Variants in MPO observed in about 807,000 individuals in gnomAD.
MPO encodes the protein myeloperoxidase.
A neutral mutation model predicts 69.4 loss-of-function variants in MPO; 57 were observed. The observed-to-expected ratio is 0.82, with a 90% CI of 0.66 to 1.02. MPO has a LOEUF of 1.02. Among genes scored for constraint, MPO ranks in the 50% least tolerant of loss-of-function variants. MPO has a pLI of 0.00. For synonymous variants in MPO, 426 were observed against 417.1 expected, an observed-to-expected ratio of 1.02 and a Z score of -0.26; for missense variants, 971 against 1,014.1, an observed-to-expected ratio of 0.96 and a Z score of 0.58.
chr17:58,274,257 T>C (rs1970406336), intron 8 of MPO: 1 of 468,382 alleles, frequency 2.1e-6, no homozygotes, highest in Admixed American at 2.3e-5. Context: ...CTAGAAGTTA[T>C]TTTGGAGTGT....
intron 11 of MPO, 61 bp downstream of exon 11, chr17:58,271,594 C>A: frequency 6.5e-7 from 1 of 1,549,006 alleles, no homozygotes; most frequent in Non-Finnish European, 8.9e-7. Context: ...ATTTGGGCTC[C>A]AAGAGAGTCA....
rs1290455983 is a variant in MPO, at chr17:58,279,120, A to T, written c.773T>A (p.Leu258Gln). The T allele has an allele frequency of 1.9e-6, 3 of 1,613,032 alleles. 1 individual carries two copies. The highest frequency in any genetic ancestry group is 2.5e-6 in the Non-Finnish European group (3 of 1,179,574). The change falls in exon 6 of 12, where the codon CTG becomes CAG. Residue 258 changes from leucine to glutamine, a missense_variant. Transcript: ENST00000225275. ...GGTGAAGTCGAGGTCGTGGTCCAAC[A>T]GCTGGCCCCATTGCATGAACATGAG... ...RSLMFMQWGQ[L>Q]LDHDLDFTPE...
chr17:58,279,519 G>T lies in MPO; in HGVS notation c.548+4C>A. 1 of 1,613,834 alleles carries T rather than the reference G, an allele frequency of 6.2e-7. No homozygotes were observed. The highest frequency in any genetic ancestry group is 8.5e-7 in the Non-Finnish European group (1 of 1,179,978). On this transcript the variant is annotated splice_donor_region_variant and intron_variant, in intron 4 of 11. Transcript: ENST00000225275. ...TTCCTGCAGCCACCCCCAGCCAGCC[G>T]CACCTGTTGTTGCACATCCCGGTGA...
rs1567829801 is a variant in MPO at position 58,279,651 on chromosome 17, CG to C, written c.425-6del. On this transcript the variant is annotated splice_polypyrimidine_tract_variant and splice_region_variant and intron_variant, in intron 3 of 11. Coordinates refer to ENST00000225275, the MANE Select transcript of MPO (RefSeq NM_000250.2). Reference sequence around the variant, plus strand: ...GCTGGGCGGGCGTCAGCACATCTGCCGGGGGAAAGAACAATGGGGGAGCTGA... The same window carrying C: ...GCTGGGCGGGCGTCAGCACATCTGCCGGGGAAAGAACAATGGGGGAGCTGA... 1.1e-5 allele frequency: 17 copies of C among 1,614,054 alleles called. No homozygotes were observed. Among genetic ancestry groups the C allele is most frequent in the Non-Finnish European group, 1.4e-5 (17 of 1,180,044 alleles).
chr17:58,275,808 C>T lies in MPO; in HGVS notation c.1205-106G>A, dbSNP rs1172392165. 6.9e-6 allele frequency: 9 copies of T among 1,306,814 alleles called. No homozygotes were observed. The highest frequency in any genetic ancestry group is 4.4e-5 in the African/African-American group (3 of 68,006). 81.0% of individuals were successfully genotyped at this position (1,306,814 alleles called of 1,614,324 possible). On this transcript the variant is annotated intron_variant, in intron 7 of 11. Coordinates refer to ENST00000225275, the MANE Select transcript of MPO (RefSeq NM_000250.2). This position sits in a 1 kb window ranked among gnomAD's most constrained non-coding sequence, Gnocchi z 4.1. Reference sequence around the variant, plus strand: ...CAAGGCCTGAAATGCCTCCTACTCACCCCTCCTCCCCATCCATCTTTTCAA... The same window carrying T: ...CAAGGCCTGAAATGCCTCCTACTCATCCCTCCTCCCCATCCATCTTTTCAA...
chr17:58,279,970 A>C lies in MPO; in HGVS notation c.293T>G (p.Leu98Arg), dbSNP rs566636412. ...LRSGSASPMELLSYFKQPVAA... is the reference protein window; with the variant it reads ...LRSGSASPMERLSYFKQPVAA... ...CACCGGCTGCTTGAAGTAGGATAGG[A>C]GTTCCATGGGGCTGGCTGAGCCGCT... The change falls in exon 3 of 12, where the codon CTC becomes CGC. Residue 98 changes from leucine (L) to arginine (R), a missense_variant. Leu to Arg is a moderately radical substitution (Grantham distance 102). Transcript: ENST00000225275. The C allele has an allele frequency of 6.2e-7, 1 of 1,613,598 alleles. No individual in the cohort carries two copies. Among genetic ancestry groups the C allele is most frequent in the South Asian group, 1.1e-5 (1 of 91,062 alleles).
intron 7 of MPO, among the ~76,000 whole-genome samples, chr17:58,276,262 C>G (rs928883313): frequency 3.3e-5 from 5 of 152,214 alleles, no homozygotes; most frequent in Admixed American, 3.3e-4. Flanking sequence ...CAGAATCCTT[C>G]TCAACACAGG....
At position 58,271,778 on chromosome 17, in the gene MPO, G is replaced by A. The variant is rs148277574; in HGVS notation, c.1907C>T (p.Thr636Met). 6.4e-5 allele frequency: 104 copies of A among 1,614,172 alleles called. No homozygotes were observed. Among genetic ancestry groups the A allele is most frequent in the African/African-American group, 2.1e-4 (16 of 75,070 alleles). The change falls in exon 11 of 12, where the codon ACG (threonine) becomes ATG (methionine). Residue 636 changes from threonine (T) to methionine (M), a missense_variant. Physicochemically the swap from Thr to Met is moderately conservative, Grantham distance 81. Coordinates refer to ENST00000225275, the MANE Select transcript of MPO (RefSeq NM_000250.2). ...CATCCAGATGTCGATGTTGTTGGGC[G>A]TGCCATACTGCTCCATCAGTTTCCT... Reference protein sequence around the residue: ...LARKLMEQYGTPNNIDIWMGG... With the variant: ...LARKLMEQYGMPNNIDIWMGG...
chr17:58,272,244 G>A (rs1970375002), intron 10 of MPO, among the ~76,000 whole-genome samples: 1 of 152,188 alleles, frequency 6.6e-6, no homozygotes. Flanking sequence ...ACCCATGAGA[G>A]GTGAAATGTG....
intron 2 of MPO, 61 bp downstream of exon 2, chr17:58,280,305 C>A: frequency 6.4e-7 from 1 of 1,555,506 alleles, no homozygotes; most frequent in East Asian, 2.2e-5. Context: ...CTGCTGCCTG[C>A]TGCTTCTCTG....
intron 11 of MPO, among the ~76,000 whole-genome samples, chr17:58,271,249 T>A (rs1970361388): frequency 6.6e-6 from 1 of 151,962 alleles, no homozygotes; most frequent in African/African-American, 2.4e-5. Flanking sequence ...TTTTTCTAAT[T>A]TTCCCAAAGG....
Position 58,279,949 on chromosome 17 carries a change from G to A in MPO, c.314C>T (p.Pro105Leu), listed in dbSNP as rs772856090. Reference sequence around the variant, plus strand: ...CACCGCCGTCCTGGTGGCTGCCACCGGCTGCTTGAAGTAGGATAGGAGTTC... The same window carrying A: ...CACCGCCGTCCTGGTGGCTGCCACCAGCTGCTTGAAGTAGGATAGGAGTTC... ...PMELLSYFKQ[P>L]VAATRTAVRA... Residue 105 changes from proline (P) to leucine (L), a missense_variant, in exon 3 of 12, where the codon CCG (proline) becomes CTG (leucine). Physicochemically the swap from Pro to Leu is moderately conservative, Grantham distance 98. Transcript: ENST00000225275. 1.3e-5 allele frequency: 21 copies of A among 1,613,884 alleles called. No individual in the cohort carries two copies. The highest frequency in any genetic ancestry group is 1.7e-5 in the Non-Finnish European group (20 of 1,180,036).
In MPO at chr17:58,270,307, A is replaced by G; in HGVS notation, c.*349T>C. The G allele has an allele frequency of 2.8e-6, 1 of 359,176 alleles. No individual in the cohort carries two copies. Among genetic ancestry groups the G allele is most frequent in the Non-Finnish European group, 5.4e-6 (1 of 186,858 alleles). The allele number at this position is 359,176 out of a possible 1,614,324, so 22.2% of individuals were successfully genotyped here. A position where few individuals can be genotyped will look rare whatever the true frequency, so the allele number is the denominator to read the frequency against. ...CTCAAGGTCACATAGCTAGCAAGCCACAGAGCCAGGATTGGAACCCAGGCA... is the reference window on the plus strand; with the variant it reads ...CTCAAGGTCACATAGCTAGCAAGCCGCAGAGCCAGGATTGGAACCCAGGCA... On this transcript the variant is annotated 3_prime_UTR_variant, in exon 12 of 12. Transcript: ENST00000225275. The surrounding 1 kb of genome is among the most constrained non-coding windows in gnomAD (Gnocchi z 4.1).
intron 6 of MPO, 118 bp downstream of exon 6, chr17:58,278,890 G>T: frequency 8.1e-7 from 1 of 1,227,368 alleles, no homozygotes; most frequent in Non-Finnish European, 1.2e-6. Context: ...CACAAGGGAG[G>T]CAGGGCCAGC....
intron 11 of MPO, among the ~76,000 whole-genome samples, chr17:58,271,074 C>T (rs1970359884): frequency 6.6e-6 from 1 of 152,170 alleles, no homozygotes; most frequent in Non-Finnish European, 1.5e-5. Context: ...GCCCAGTGGC[C>T]TTTCCCTTAC....
chr17:58,276,045 C>T (rs1410624429), intron 7 of MPO, among the ~76,000 whole-genome samples: 2 of 152,194 alleles, frequency 1.3e-5, no homozygotes, highest in Non-Finnish European at 2.9e-5. Flanking sequence ...TTTACCCTCC[C>T]TCCTAGCACA....
chr17:58,270,458 A>G lies in MPO; in HGVS notation c.*198T>C. ...ACACATAACCCATGAAACACTCCCC[A>G]TGTTCAGACAACACACACGCATGAA... On this transcript the variant is annotated 3_prime_UTR_variant, in exon 12 of 12. Transcript: ENST00000225275. This position sits in a 1 kb window ranked among gnomAD's most constrained non-coding sequence, Gnocchi z 4.1. 1 of 621,896 alleles carries G rather than the reference A, an allele frequency of 1.6e-6. No homozygotes were observed. The highest frequency in any genetic ancestry group is 2.9e-6 in the Non-Finnish European group (1 of 340,172). 38.5% of individuals were successfully genotyped at this position (621,896 alleles called of 1,614,324 possible). A position where few individuals can be genotyped will look rare whatever the true frequency, so the allele number is the denominator to read the frequency against.
Position 58,279,525 on chromosome 17 carries a change from G to C in MPO, c.546C>G (p.Asn182Lys). 4.3e-6 allele frequency: 7 copies of C among 1,614,056 alleles called. No homozygotes were observed. Among genetic ancestry groups the C allele is most frequent in the African/African-American group, 1.3e-5 (1 of 75,072 alleles). The change falls in exon 4 of 12, where the codon AAC (asparagine) becomes AAG (lysine). Residue 182 changes from asparagine to lysine, a missense_variant and splice_region_variant. Coordinates refer to ENST00000225275, the MANE Select transcript of MPO (RefSeq NM_000250.2). The part of the protein sequence containing the change: ...KYRTITGMCN[N>K]RRSPTLGASN... ...CAGCCACCCCCAGCCAGCCGCACCT[G>C]TTGTTGCACATCCCGGTGATGGTGC...
intron 7 of MPO, among the ~76,000 whole-genome samples, chr17:58,276,734 G>T (rs891438893): frequency 6.6e-6 from 1 of 152,198 alleles, no homozygotes; most frequent in Admixed American, 6.5e-5. Flanking sequence ...GCCAGGGAGA[G>T]ACCAGCAGGA....
Sources: allele counts gnomAD v4.1 joint callset (sites outside exome capture counted in the v4.1 genomes callset), GRCh38; gene constraint gnomAD v4.1.1; non-coding constraint Gnocchi (gnomAD v3.1); transcripts MANE v1.5; gene names NCBI Gene and HGNC (gene_info 2026-07-23, HGNC 2026-07-21).